Variants in PPHLN1 observed in about 807,000 individuals in gnomAD.
PPHLN1 encodes periphilin-1.
Under a neutral mutation model 51.3 loss-of-function variants are expected in PPHLN1, and 29 were observed. The observed-to-expected ratio is 0.57, with a 90% CI of 0.42 to 0.77. The LOEUF (loss-of-function observed/expected upper bound fraction) is 0.77, where lower values mean the gene tolerates loss of function less well. PPHLN1 is among the 30% of genes least tolerant of loss of function. PPHLN1 has a pLI of 0.00. For missense variants in PPHLN1, 436 were observed against 438.4 expected, an observed-to-expected ratio of 0.99 and a Z score of 0.05; for synonymous variants, 147 against 147.8, an observed-to-expected ratio of 0.99 and a Z score of 0.04.
intron 9 of PPHLN1, among the ~76,000 whole-genome samples, chr12:42,419,589 G>T (rs1241362540): frequency 6.6e-6 from 1 of 152,236 alleles, no homozygotes; most frequent in East Asian, 1.9e-4. Flanking sequence ...TGAAGAGTAG[G>T]GTGGTTTTTA....
At chr12:42,367,496 ACCCTTT>A (rs1016951406) in intron 4 of PPHLN1, among the ~76,000 whole-genome samples, 1 of 152,032 alleles carries the variant, frequency 6.6e-6, no homozygotes, top group Non-Finnish European at 1.5e-5. Context: ...TCTAAACAAA[ACCCTTT>A]CCTAGATGTA....
chr12:42,343,863 G>GAA (rs1565765360), intron 2 of PPHLN1: 23 of 441,168 alleles, frequency 5.2e-5, no homozygotes, highest in African/African-American at 4.5e-4. Flanking sequence ...ACCAAAAGAC[G>GAA]TTGGAATGAC....
At chr12:42,328,222 G>A (rs1017571188) in intron 1 of PPHLN1, among the ~76,000 whole-genome samples, 8 of 152,168 alleles carry the variant, frequency 5.3e-5, no homozygotes, top group African/African-American at 1.9e-4. Context: ...AAACAGCTCC[G>A]TGGTAGTATG....
intron 9 of PPHLN1, among the ~76,000 whole-genome samples, chr12:42,417,930 TTG>T (rs764451086): frequency 1.7e-4 from 17 of 97,190 alleles, no homozygotes; most frequent in East Asian, 1.1e-3. Flanking sequence ...GTTTTTTTTT[TTG>T]TTTTTTTTTT....
At chr12:42,345,747 T>C (rs1034540363) in intron 2 of PPHLN1, among the ~76,000 whole-genome samples, 1 of 151,978 alleles carries the variant, frequency 6.6e-6, no homozygotes, top group Non-Finnish European at 1.5e-5. Flanking sequence ...TTTGAAATAA[T>C]AGAAATGTTT....
chr12:42,356,418 TGTAGAAA>T (rs1472389212), intron 4 of PPHLN1, among the ~76,000 whole-genome samples: 1 of 152,172 alleles, frequency 6.6e-6, no homozygotes, highest in Non-Finnish European at 1.5e-5. Context: ...TGGTACCTTT[TGTAGAAA>T]GCAGAAAGCA....
intron 7 of PPHLN1, among the ~76,000 whole-genome samples, chr12:42,391,294 A>C (rs1320326869): frequency 6.6e-6 from 1 of 152,202 alleles, no homozygotes. Context: ...GCTGGAGTGC[A>C]ATGGCATAAT....
chr12:42,350,139 T>TGCCGGGCGGGGGCGCCC (rs2073058339), intron 2 of PPHLN1: 1 of 144,340 alleles, frequency 6.9e-6, no homozygotes, highest in Admixed American at 6.8e-5. Context: ...ACGGGGCGGC[T>TGCCGGGCGGGGGCGCCC]GCCGGGCGGG....
intron 7 of PPHLN1, among the ~76,000 whole-genome samples, chr12:42,391,383 C>T (rs1796387): frequency 1.3e-5 from 2 of 151,910 alleles, no homozygotes; most frequent in East Asian, 3.9e-4. Context: ...GGATTACAGG[C>T]GCCTGCCACC....
chr12:42,390,905 A>G (rs1280858967), intron 7 of PPHLN1, among the ~76,000 whole-genome samples: 1 of 148,194 alleles, frequency 6.7e-6, no homozygotes, highest in African/African-American at 2.5e-5. Context: ...GTCTCAAATG[A>G]TCCTTCCACC....
chr12:42,355,304 A>G, intron 4 of PPHLN1, 82 bp downstream of exon 4: 3 of 1,179,098 alleles, frequency 2.5e-6, no homozygotes, highest in Non-Finnish European at 3.8e-6. Context: ...GACTCAAGGC[A>G]CATAGATGAA....
intron 2 of PPHLN1, among the ~76,000 whole-genome samples, chr12:42,346,053 AT>A (rs1470333727): frequency 6.6e-6 from 1 of 152,164 alleles, no homozygotes; most frequent in Non-Finnish European, 1.5e-5. Context: ...AGACAAACAT[AT>A]TCATCATCCC....
At chr12:42,446,560 C>T (rs776127103), downstream of PPHLN1, 7 of 1,611,036 alleles carry the variant, frequency 4.3e-6, no homozygotes, top group Middle Eastern at 6.7e-4. Context: ...TAATTATACT[C>T]ATGTTTGTCT....
intron 9 of PPHLN1, among the ~76,000 whole-genome samples, chr12:42,402,498 A>G (rs12826942): frequency 0.18 from 28,000 of 152,146 alleles, 3,230 homozygotes; most frequent in South Asian, 0.27. Context: ...GTGCGACTAT[A>G]TGGGCTACTT....
intron 8 of PPHLN1, chr12:42,398,612 C>G (rs751775527): frequency 1.2e-5 from 4 of 328,138 alleles, no homozygotes; most frequent in African/African-American, 4.3e-5. Flanking sequence ...GGCCCCTGCA[C>G]AAGGATGGCA....
At chr12:42,393,801 A>G in intron 8 of PPHLN1, 112 bp downstream of exon 8, 1 of 1,038,682 alleles carries the variant, frequency 9.6e-7, no homozygotes, top group Non-Finnish European at 1.3e-6. Context: ...ATCCTTATGG[A>G]TTACAGGTAT....
intron 5 of PPHLN1, among the ~76,000 whole-genome samples, chr12:42,383,349 A>G (rs1241927039): frequency 1.3e-5 from 2 of 152,224 alleles, no homozygotes; most frequent in Admixed American, 6.5e-5. Flanking sequence ...TCAGGAGCTA[A>G]TATGAATTGG....
At chr12:42,376,218 C>G (rs1274386348) in intron 5 of PPHLN1, among the ~76,000 whole-genome samples, 4 of 152,156 alleles carry the variant, frequency 2.6e-5, no homozygotes, top group Non-Finnish European at 5.9e-5. Context: ...CAGGATATTT[C>G]CTTTTCAACG....
chr12:42,394,314 G>A lies in PPHLN1; in HGVS notation c.768+625G>A, dbSNP rs547530934. On this transcript the variant is annotated intron_variant, in intron 8 of 9. Coordinates refer to ENST00000358314, the MANE Select transcript of PPHLN1 (RefSeq NM_201439.2). ...ATAGAAATTCTGTGGTCACAATTAA[G>A]CTTTTAGATTCAGGATTTGATACTA... Among the ~76,000 whole-genome samples the A allele has an allele frequency of 1.6e-4, 24 of 152,204 alleles. 1 individual carries two copies. In the South Asian group the frequency reaches 5.0e-3, roughly 32 times the overall value.
Sources: allele counts gnomAD v4.1 joint callset (sites outside exome capture counted in the v4.1 genomes callset), GRCh38; gene constraint gnomAD v4.1.1; transcripts MANE v1.5; gene names NCBI Gene and HGNC (gene_info 2026-07-23, HGNC 2026-07-21).